PCED1B: variants seen among roughly 807,000 people sequenced by gnomAD.
PCED1B encodes PC-esterase domain-containing protein 1B.
For missense variants in PCED1B, 573 were observed against 573.9 expected (o/e 1.00, Z 0.02); for synonymous variants, 251 against 246.1 (o/e 1.02, Z -0.19).
At chr12:47,180,105 C>A (rs755244612) in intron 2 of PCED1B, among the ~76,000 whole-genome samples, 1 of 152,148 alleles carries the variant, frequency 6.6e-6, no homozygotes, top group African/African-American at 2.4e-5. Flanking sequence ...CTCACACCCC[C>A]CAACAGGCCC....
At chr12:47,194,525 T>C (rs1942543118) in intron 2 of PCED1B, among the ~76,000 whole-genome samples, 2 of 152,230 alleles carry the variant, frequency 1.3e-5, no homozygotes, top group Admixed American at 1.3e-4. Flanking sequence ...CAAATGTCCC[T>C]TTGATAGCTA....
intron 2 of PCED1B, among the ~76,000 whole-genome samples, chr12:47,191,775 G>GGGTTTTTT (rs1462925182): frequency 1.3e-5 from 2 of 151,832 alleles, no homozygotes; most frequent in Non-Finnish European, 2.9e-5. Context: ...AAAAGTTTTG[G>GGGTTTTTT]GGTTTTTTTG....
intron 2 of PCED1B, among the ~76,000 whole-genome samples, chr12:47,215,868 AACATGGTG>A (rs746341591): frequency 0.056 from 8,444 of 152,096 alleles, 266 homozygotes; most frequent in African/African-American, 0.094. Context: ...CAGACTGGCC[AACATGGTG>A]AAACACCATC....
At chr12:47,154,294 C>T (rs2137468475) in intron 2 of PCED1B, among the ~76,000 whole-genome samples, 1 of 152,262 alleles carries the variant, frequency 6.6e-6, no homozygotes, top group South Asian at 2.1e-4. Flanking sequence ...CATAAGTGTA[C>T]TCTATGACTT....
intron 2 of PCED1B, among the ~76,000 whole-genome samples, chr12:47,159,580 A>C (rs1941304893): frequency 6.7e-6 from 1 of 148,272 alleles, no homozygotes; most frequent in Admixed American, 6.7e-5. Flanking sequence ...TTTTAATAGG[A>C]TTTTCTTTTT....
intron 2 of PCED1B, among the ~76,000 whole-genome samples, chr12:47,181,830 T>A (rs1480778153): frequency 1.3e-5 from 2 of 152,066 alleles, no homozygotes; most frequent in African/African-American, 4.8e-5. Context: ...AACACATCAT[T>A]ACCAACCATC....
intron 2 of PCED1B, among the ~76,000 whole-genome samples, chr12:47,167,571 T>C (rs1243821259): frequency 2.6e-5 from 4 of 152,222 alleles, no homozygotes; most frequent in African/African-American, 4.8e-5. Flanking sequence ...TACCCAGTTG[T>C]GCTGGTAGCC....
intron 2 of PCED1B, among the ~76,000 whole-genome samples, chr12:47,182,099 A>G (rs1942113126): frequency 6.6e-6 from 1 of 152,242 alleles, no homozygotes. Flanking sequence ...AAAACTGAAG[A>G]GCACCAGTGA....
intron 3 of PCED1B, among the ~76,000 whole-genome samples, chr12:47,230,340 T>TC (rs1004715303): frequency 1.3e-5 from 2 of 152,192 alleles, no homozygotes; most frequent in African/African-American, 4.8e-5. Flanking sequence ...TGCCTTGGCC[T>TC]CCCAAAGTGC....
intron 2 of PCED1B, chr12:47,135,883 T>A: frequency 8.2e-6 from 3 of 365,796 alleles, no homozygotes; most frequent in Non-Finnish European, 1.7e-5. Context: ...GTGAAGAGGG[T>A]TTGGACAGTG....
At chr12:47,167,621 G>C (rs1262546632) in intron 2 of PCED1B, among the ~76,000 whole-genome samples, 1 of 152,202 alleles carries the variant, frequency 6.6e-6, no homozygotes, top group Non-Finnish European at 1.5e-5. Context: ...ACAATGAAGT[G>C]AGTGTCATAA....
At chr12:47,194,091 C>T (rs1481743518) in intron 2 of PCED1B, among the ~76,000 whole-genome samples, 2 of 152,212 alleles carry the variant, frequency 1.3e-5, no homozygotes, top group East Asian at 1.9e-4. Flanking sequence ...GCCGCTTGCC[C>T]TTTGCAGCCA....
intron 2 of PCED1B, among the ~76,000 whole-genome samples, chr12:47,212,459 A>G (rs1943123142): frequency 6.6e-6 from 1 of 152,202 alleles, no homozygotes; most frequent in Admixed American, 6.5e-5. Flanking sequence ...CTCTGGAACT[A>G]TGAGTCCAGG....
At chr12:47,083,529 A>G (rs1937842482) in intron 1 of PCED1B, among the ~76,000 whole-genome samples, 1 of 152,128 alleles carries the variant, frequency 6.6e-6, no homozygotes, top group Non-Finnish European at 1.5e-5. Context: ...ATGGAAGTGC[A>G]CTCAGCTCCT....
Position 47,235,897 on chromosome 12 carries a change from G to A in PCED1B, c.834G>A (p.Pro278=), listed in dbSNP as rs752317404. The part of the protein sequence containing the change: ...KKKPGPRVEG[P]PQANRNHPAL... Reference sequence around the variant, plus strand: ...AACCTGGCCCGAGAGTCGAAGGGCCGCCCCAGGCCAACAGAAATCACCCGG... The same window carrying A: ...AACCTGGCCCGAGAGTCGAAGGGCCACCCCAGGCCAACAGAAATCACCCGG... Residue 278 remains proline, a synonymous_variant, in exon 4 of 4, where the codon CCG becomes CCA. Transcript: ENST00000546455. 9 of 1,599,444 alleles carry A rather than the reference G, an allele frequency of 5.6e-6. No homozygotes were observed. The highest frequency in any genetic ancestry group is 7.7e-6 in the Non-Finnish European group (9 of 1,173,290).
At chr12:47,201,316 G>A (rs921820864) in intron 2 of PCED1B, among the ~76,000 whole-genome samples, 2 of 151,994 alleles carry the variant, frequency 1.3e-5, no homozygotes, top group South Asian at 2.1e-4. Context: ...TTGGAATTGC[G>A]AATATAGCTT....
At position 47,191,754 on chromosome 12, in the gene PCED1B, G is replaced by A. The variant is rs11183784; in HGVS notation, c.-525-24468G>A. Among the ~76,000 whole-genome samples the A allele has an allele frequency of 1.1e-3, 173 of 152,152 alleles. 2 individuals carry two copies. In the East Asian group the frequency reaches 0.011, roughly 10 times the overall value. ...ATTGAGGCAGAATCGCTGAGGGTGC[G>A]GCCTGGACACAAAAGTTTTGGGGTT... is the stretch of plus-strand genomic sequence containing the variant. On this transcript the variant is annotated intron_variant, in intron 2 of 3. Transcript: ENST00000546455.
At chr12:47,109,032 AAAAT>A (rs1294801584) in intron 2 of PCED1B, among the ~76,000 whole-genome samples, 3 of 152,230 alleles carry the variant, frequency 2.0e-5, no homozygotes, top group Non-Finnish European at 4.4e-5. Flanking sequence ...AATGAAAACT[AAAAT>A]AAACTTTCCA....
intron 2 of PCED1B, among the ~76,000 whole-genome samples, chr12:47,203,978 T>C (rs1162691199): frequency 6.6e-6 from 1 of 152,174 alleles, no homozygotes; most frequent in African/African-American, 2.4e-5. Context: ...GCATTCTTTT[T>C]CCCCACAACC....
Sources: allele counts gnomAD v4.1 joint callset (sites outside exome capture counted in the v4.1 genomes callset), GRCh38; gene constraint gnomAD v4.1.1; transcripts MANE v1.5; gene names NCBI Gene and HGNC (gene_info 2026-07-23, HGNC 2026-07-21).